CASP5: variants seen among roughly 807,000 people sequenced by gnomAD.
The protein encoded by CASP5 is caspase-5.
A neutral mutation model predicts 45.2 loss-of-function variants in CASP5; 42 were observed. The observed-to-expected ratio is 0.93, with a 90% CI of 0.73 to 1.20. The LOEUF is 1.20. CASP5 is among the 50% of genes most tolerant of loss of function. CASP5 has a pLI of 0.00. For synonymous variants in CASP5, 209 were observed against 186.2 expected (o/e 1.12, Z -1.00); for missense variants, 512 against 532.2 (o/e 0.96, Z 0.37).
intron 4 of CASP5, among the ~76,000 whole-genome samples, chr11:105,002,894 G>T (rs1350149936): frequency 6.6e-6 from 1 of 152,132 alleles, no homozygotes; most frequent in African/African-American, 2.4e-5. Flanking sequence ...ATCATTTAGT[G>T]CTTTAAGTAT....
chr11:105,008,289 T>C (rs745419451), intron 2 of CASP5, among the ~76,000 whole-genome samples: 23 of 152,118 alleles, frequency 1.5e-4, no homozygotes, highest in Admixed American at 2.0e-4. Context: ...AGCAGAATTG[T>C]TGAAAATACA....
At chr11:104,999,664 A>C in intron 6 of CASP5, among the ~76,000 whole-genome samples, 1 of 152,196 alleles carries the variant, frequency 6.6e-6, no homozygotes, top group East Asian at 1.9e-4. Flanking sequence ...GTAAATTAAT[A>C]GTGAATTTAT....
chr11:105,004,127 T>G (rs1484243125), intron 3 of CASP5, among the ~76,000 whole-genome samples: 1 of 152,174 alleles, frequency 6.6e-6, no homozygotes, highest in Non-Finnish European at 1.5e-5. Flanking sequence ...TTCAGTTATC[T>G]TTCAACAAAT....
chr11:105,020,881 A>T (rs1459452719), intron 1 of CASP5, among the ~76,000 whole-genome samples: 1 of 152,118 alleles, frequency 6.6e-6, no homozygotes, highest in Non-Finnish European at 1.5e-5. Flanking sequence ...ACAAAGCTGG[A>T]GGCATCACAC....
chr11:105,003,879 C>A (rs557066664), intron 3 of CASP5, among the ~76,000 whole-genome samples: 8 of 150,442 alleles, frequency 5.3e-5, no homozygotes, highest in African/African-American at 1.9e-4. Context: ...ATTTATTTAA[C>A]ATAATATATT....
Position 104,998,890 on chromosome 11 carries a change from G to A in CASP5, c.1091C>T (p.Thr364Ile). The change falls in exon 7 of 10, where the codon ACA becomes ATA. Residue 364 changes from threonine (T) to isoleucine (I), a missense_variant. Transcript: ENST00000260315. ...EKDFIAFCSS[T>I]PHNVSWRDRT... ...TGTTACTAAAAGACACATACGTGGT[G>A]TTGAAGAACAGAAAGCAATGAAGTC... 3 of 1,612,786 alleles carry A rather than the reference G, an allele frequency of 1.9e-6. No homozygotes were observed. Among genetic ancestry groups the A allele is most frequent in the Non-Finnish European group, 2.5e-6 (3 of 1,179,544 alleles).
At position 104,996,944 on chromosome 11, in the gene CASP5, C is replaced by T. The variant is rs191203035; in HGVS notation, c.1206+439G>A. Among the ~76,000 whole-genome samples, 8 of 152,104 alleles carry T rather than the reference C, an allele frequency of 5.3e-5. No homozygotes were observed. In the South Asian group the frequency reaches 8.3e-4, roughly 16 times the overall value. Reference sequence around the variant, plus strand: ...TGAATTCTACCACAATCTGTAATTGCACATTTTTTTGTTAACCCATATTTT... The same window carrying T: ...TGAATTCTACCACAATCTGTAATTGTACATTTTTTTGTTAACCCATATTTT... On this transcript the variant is annotated intron_variant, in intron 8 of 9. Coordinates refer to ENST00000260315, the MANE Select transcript of CASP5 (RefSeq NM_004347.5).
intron 3 of CASP5, among the ~76,000 whole-genome samples, chr11:105,004,969 G>A (rs912251205): frequency 6.6e-6 from 1 of 152,024 alleles, no homozygotes; most frequent in Non-Finnish European, 1.5e-5. Context: ...TGTAGAACAG[G>A]TGTTTTCCAG....
At chr11:105,000,662 T>C (rs1396091379) in intron 5 of CASP5, among the ~76,000 whole-genome samples, 167 bp from the exon 6 acceptor site, 1 of 152,082 alleles carries the variant, frequency 6.6e-6, no homozygotes, top group Non-Finnish European at 1.5e-5. Flanking sequence ...TGTTTTGTTT[T>C]TTTTTTCCTT....
chr11:105,007,739 C>G (rs558301210), intron 2 of CASP5, among the ~76,000 whole-genome samples: 48 of 152,096 alleles, frequency 3.2e-4, no homozygotes, highest in Non-Finnish European at 6.5e-4. Flanking sequence ...ACTATACAAT[C>G]TTGCCTCTTT....
chr11:105,002,110 GC>G lies in CASP5; in HGVS notation c.634del (p.Ala212LeufsTer8), dbSNP rs1432603986. 1 of 1,614,126 alleles carries G rather than the reference GC, an allele frequency of 6.2e-7. No homozygotes were observed. Among genetic ancestry groups the G allele is most frequent in the Middle Eastern group, 1.7e-4 (1 of 6,060 alleles). ...TTTCATCCCCACGATGTCATAGTGAGCCCCATTCCTTGCAGGCAGGTGATCA... is the reference window on the plus strand; with the variant it reads ...TTTCATCCCCACGATGTCATAGTGAGCCCATTCCTTGCAGGCAGGTGATCA... Reference protein sequence around the residue: ...KFDHLPARNGAHYDIVGMKRL... With the variant: ...KFDHLPARNGXHYDIVGMKRL... On this transcript the variant is annotated frameshift_variant, in exon 5 of 10. Transcript: ENST00000260315. LOFTEE classifies it high-confidence loss of function.
intron 5 of CASP5, 70 bp downstream of exon 5, chr11:105,001,958 A>G: frequency 6.6e-7 from 1 of 1,504,368 alleles, no homozygotes; most frequent in Non-Finnish European, 9.1e-7. Context: ...GAACTTCTAT[A>G]AAGCTAACTA....
At chr11:105,022,985 A>C in intron 1 of CASP5, 145 bp downstream of exon 1, 21 of 754,692 alleles carry the variant, frequency 2.8e-5, no homozygotes, top group Non-Finnish European at 3.4e-5. Context: ...GATTCAAACT[A>C]CATACCACCA....
At chr11:104,996,091 T>C (rs45458101) in intron 8 of CASP5, among the ~76,000 whole-genome samples, 1 of 152,172 alleles carries the variant, frequency 6.6e-6, no homozygotes, top group Non-Finnish European at 1.5e-5. Flanking sequence ...ATTTTCTCTA[T>C]TTTCCATTTT....
rs372804237 is a variant in CASP5, at chr11:104,995,787, C to T, written c.1262G>A (p.Arg421Gln). ...QAKAQMPTIE[R>Q]ATLTRDFYLF... ...GTAGAAATCTCTTGTCAAGGTTGCTCGTTCTATGGTGGGCATCTGGGCTTT... is the reference window on the plus strand; with the variant it reads ...GTAGAAATCTCTTGTCAAGGTTGCTTGTTCTATGGTGGGCATCTGGGCTTT... Residue 421 changes from arginine to glutamine, a missense_variant, in exon 9 of 10, where the codon CGA (arginine) becomes CAA (glutamine). Coordinates refer to ENST00000260315, the MANE Select transcript of CASP5 (RefSeq NM_004347.5). 3.7e-6 allele frequency: 6 copies of T among 1,612,344 alleles called. No individual in the cohort carries two copies. The highest frequency in any genetic ancestry group is 5.1e-6 in the Non-Finnish European group (6 of 1,178,788).
At chr11:105,011,587 C>G (rs1862346847) in intron 1 of CASP5, among the ~76,000 whole-genome samples, 1 of 151,568 alleles carries the variant, frequency 6.6e-6, no homozygotes, top group Non-Finnish European at 1.5e-5. Context: ...GGAACTAATA[C>G]ACAAATGCAG....
chr11:105,008,844 T>G lies in CASP5; in HGVS notation c.144A>C (p.Leu48=). The change falls in exon 2 of 10, where the codon CTA becomes CTC. Residue 48 remains leucine (L), a synonymous_variant. Coordinates refer to ENST00000260315, the MANE Select transcript of CASP5 (RefSeq NM_004347.5). ...NVAGQTSIQT[L]VPNTDQKSTS... is the part of the protein sequence containing the mutation. ...TCGACTTTTGATCCGTATTAGGTACTAGGGTCTGGATAGATGTTTGTCCAG... is the reference window on the plus strand; with the variant it reads ...TCGACTTTTGATCCGTATTAGGTACGAGGGTCTGGATAGATGTTTGTCCAG... 1 of 1,613,122 alleles carries G rather than the reference T, an allele frequency of 6.2e-7. No individual in the cohort carries two copies. Among genetic ancestry groups the G allele is most frequent in the Non-Finnish European group, 8.5e-7 (1 of 1,179,310 alleles).
chr11:105,012,680 C>A (rs1284917022), intron 1 of CASP5, among the ~76,000 whole-genome samples: 1 of 151,566 alleles, frequency 6.6e-6, no homozygotes, highest in Non-Finnish European at 1.5e-5. Context: ...CATCTCTGAT[C>A]ACCAGGGACA....
chr11:104,995,704 C>G (rs977378511), intron 9 of CASP5, 36 bp downstream of exon 9: 1 of 1,364,100 alleles, frequency 7.3e-7, no homozygotes. Flanking sequence ...ATAGCTCTTT[C>G]ATTTATTTCA....
Sources: allele counts gnomAD v4.1 joint callset (sites outside exome capture counted in the v4.1 genomes callset), GRCh38; gene constraint gnomAD v4.1.1; transcripts MANE v1.5; gene names NCBI Gene and HGNC (gene_info 2026-07-23, HGNC 2026-07-21).